The following SCGB2B2 variants were observed in gnomAD, a reference collection of about 807,000 sequenced individuals.
SCGB2B2 encodes secretoglobin-like protein.
In SCGB2B2, 11 loss-of-function variants were observed where a neutral mutation model predicts 7.6. That is an observed-to-expected ratio of 1.45 (90% CI 0.91 to 2.40). SCGB2B2 has a LOEUF of 2.40. Among genes scored for constraint, SCGB2B2 ranks in the 30% most tolerant of loss-of-function variants. The probability of loss-of-function intolerance (pLI) is 0.00; values close to 1 mark genes in which losing one functional copy is unlikely to be tolerated. For missense variants in SCGB2B2, 104 were observed against 115.4 expected, an observed-to-expected ratio of 0.90 and a Z score of 0.45; for synonymous variants, 50 against 48.6, an observed-to-expected ratio of 1.03 and a Z score of -0.12.
intron 1 of SCGB2B2, among the ~76,000 whole-genome samples, chr19:34,660,706 G>C (rs549192094): frequency 1.1e-4 from 17 of 152,346 alleles, no homozygotes; most frequent in Middle Eastern, 3.4e-3. Context: ...CATTGTGGAA[G>C]ACAGTGTGGC....
At chr19:34,631,674 C>A (rs114168364) in intron 1 of SCGB2B2, among the ~76,000 whole-genome samples, 1 of 152,106 alleles carries the variant, frequency 6.6e-6, no homozygotes, top group African/African-American at 2.4e-5. Context: ...ATATTGTTAA[C>A]GTTAAAATTC....
chr19:34,675,037 G>A lies in SCGB2B2; in HGVS notation c.-2032+593C>T, dbSNP rs146359489. 5.1e-3 allele frequency among the ~76,000 whole-genome samples: 784 copies of A among 152,238 alleles called. 4 individuals carry two copies. Among genetic ancestry groups the A allele is most frequent in the African/African-American group, 0.018 (762 of 41,528 alleles). On this transcript the variant is annotated intron_variant, in intron 1 of 3. Transcript: ENST00000601241. ...CAATTCTCAGAGAAGGGAATACTAAGACCAATAGACATTCAAAAAGATTCT... is the reference window on the plus strand; with the variant it reads ...CAATTCTCAGAGAAGGGAATACTAAAACCAATAGACATTCAAAAAGATTCT...
intron 1 of SCGB2B2, among the ~76,000 whole-genome samples, chr19:34,613,095 T>C (rs2065978059): frequency 1.3e-5 from 1 of 75,482 alleles, no homozygotes; most frequent in South Asian, 5.8e-4. Flanking sequence ...TCTCTTCATT[T>C]TCTTTTCTTT....
At chr19:34,596,979 G>C (rs902867440) in intron 1 of SCGB2B2, among the ~76,000 whole-genome samples, 1 of 151,836 alleles carries the variant, frequency 6.6e-6, no homozygotes, top group African/African-American at 2.4e-5. Context: ...TGAGGGTAGA[G>C]AGGGCCAGGA....
intron 1 of SCGB2B2, chr19:34,632,070 CA>C (rs1047423263): frequency 3.9e-5 from 6 of 151,954 alleles, no homozygotes; most frequent in South Asian, 2.1e-4. Flanking sequence ...AAACAAAAAC[CA>C]AAAAACAACA....
intron 1 of SCGB2B2, chr19:34,640,592 T>G (rs1385802385): frequency 6.6e-6 from 1 of 152,226 alleles, no homozygotes; most frequent in Non-Finnish European, 1.5e-5. Context: ...AAAAAATTTT[T>G]TTTAACTCTG....
chr19:34,665,314 G>A (rs1332770707), intron 1 of SCGB2B2, among the ~76,000 whole-genome samples: 2 of 152,216 alleles, frequency 1.3e-5, no homozygotes, highest in Non-Finnish European at 2.9e-5. Flanking sequence ...AACCTTCATG[G>A]AACTGCTGGT....
At chr19:34,653,980 G>A (rs199646249) in intron 1 of SCGB2B2, among the ~76,000 whole-genome samples, 4 of 147,588 alleles carry the variant, frequency 2.7e-5, no homozygotes, top group Non-Finnish European at 3.0e-5. Context: ...AACGAGGCAA[G>A]AAAAAAAAAG....
chr19:34,645,721 G>A (rs2066992448), intron 1 of SCGB2B2: 1 of 407,738 alleles, frequency 2.5e-6, no homozygotes, highest in South Asian at 2.1e-5. Flanking sequence ...GCGTCCAGCT[G>A]GGTGAGAAAG....
intron 1 of SCGB2B2, among the ~76,000 whole-genome samples, chr19:34,657,873 G>T (rs2067324709): frequency 6.6e-6 from 1 of 152,138 alleles, no homozygotes; most frequent in South Asian, 2.1e-4. Context: ...AAAGGTAAAA[G>T]AACAGAAATC....
intron 1 of SCGB2B2, among the ~76,000 whole-genome samples, chr19:34,636,292 G>A (rs2066676242): frequency 6.6e-6 from 1 of 151,740 alleles, no homozygotes; most frequent in Non-Finnish European, 1.5e-5. Context: ...GGGGGGCTAC[G>A]GGGGTTACAG....
downstream of SCGB2B2, among the ~76,000 whole-genome samples, chr19:34,589,475 C>A (rs150912888): frequency 1.1e-4 from 16 of 152,152 alleles, no homozygotes; most frequent in African/African-American, 3.1e-4. Flanking sequence ...ATTAAAATGT[C>A]CCTGTGCCTT....
At chr19:34,646,007 G>T in intron 1 of SCGB2B2, 1 of 322,058 alleles carries the variant, frequency 3.1e-6, no homozygotes, top group South Asian at 3.0e-5. Context: ...CCTTCCTCAA[G>T]TTCTAGCAAT....
chr19:34,590,029 A>C (rs555299470), downstream of SCGB2B2, among the ~76,000 whole-genome samples: 1 of 152,312 alleles, frequency 6.6e-6, no homozygotes, highest in African/African-American at 2.4e-5. Context: ...TCATTTCTTC[A>C]TCACAAGTTC....
At chr19:34,636,393 A>G (rs1012053804) in intron 1 of SCGB2B2, among the ~76,000 whole-genome samples, 10 of 152,312 alleles carry the variant, frequency 6.6e-5, no homozygotes, top group Admixed American at 5.9e-4. Flanking sequence ...GATGCAGCCC[A>G]GGAAGGAGAG....
intron 1 of SCGB2B2, among the ~76,000 whole-genome samples, chr19:34,607,595 C>A (rs181547677): frequency 9.8e-5 from 15 of 152,338 alleles, no homozygotes; most frequent in African/African-American, 3.6e-4. Flanking sequence ...AATTTCTTCA[C>A]ATCTTTGCAA....
intron 1 of SCGB2B2, among the ~76,000 whole-genome samples, chr19:34,605,870 AGGCGT>A (rs2065762033): frequency 6.6e-6 from 1 of 152,148 alleles, no homozygotes; most frequent in Admixed American, 6.5e-5. Context: ...CTGGGATTAC[AGGCGT>A]GAGCCACTGC....
chr19:34,593,386 C>T lies in SCGB2B2; in HGVS notation c.*169G>A. On this transcript the variant is annotated 3_prime_UTR_variant, in exon 4 of 4. Coordinates refer to ENST00000601241, the MANE Select transcript of SCGB2B2 (RefSeq NM_001025591.4). ...CATATTTTCACACTGGGACCCTGGT[C>T]ACACTCTGCATATGCGGTCACAGCC... The T allele has an allele frequency of 1.8e-6, 1 of 567,248 alleles. No homozygotes were observed. 35.1% of individuals were successfully genotyped at this position (567,248 alleles called of 1,614,324 possible). A position where few individuals can be genotyped will look rare whatever the true frequency, so the allele number is the denominator to read the frequency against.
At chr19:34,652,708 A>G (rs568599210) in intron 1 of SCGB2B2, among the ~76,000 whole-genome samples, 2 of 151,502 alleles carry the variant, frequency 1.3e-5, no homozygotes, top group South Asian at 4.1e-4. Context: ...AAAAGATACC[A>G]AACGCTGGTG....
Sources: allele counts gnomAD v4.1 joint callset (sites outside exome capture counted in the v4.1 genomes callset), GRCh38; gene constraint gnomAD v4.1.1; transcripts MANE v1.5; gene names NCBI Gene and HGNC (gene_info 2026-07-23, HGNC 2026-07-21).